The following AASS variants were observed in gnomAD, a reference collection of about 807,000 sequenced individuals.
AASS encodes the protein aminoadipate-semialdehyde synthase.
A neutral mutation model predicts 105.4 loss-of-function variants in AASS; 86 were observed. The observed-to-expected ratio is 0.82, with a 90% CI of 0.69 to 0.98. The LOEUF is 0.98. AASS is among the 50% of genes least tolerant of loss of function. The probability of loss-of-function intolerance (pLI) is 0.00; values close to 1 mark genes in which losing one functional copy is unlikely to be tolerated. For synonymous variants in AASS, 381 were observed against 394.8 expected, an observed-to-expected ratio of 0.96 and a Z score of 0.41; for missense variants, 1,048 against 1,143.2, an observed-to-expected ratio of 0.92 and a Z score of 1.20.
At chr7:122,099,351 G>C (rs1364329283) in intron 13 of AASS, among the ~76,000 whole-genome samples, 1 of 151,858 alleles carries the variant, frequency 6.6e-6, no homozygotes, top group Non-Finnish European at 1.5e-5. Flanking sequence ...AAATTGTTTT[G>C]TCATATATCT....
chr7:122,129,392 T>A lies in AASS; in HGVS notation c.356A>T (p.Asn119Ile). 6.2e-7 allele frequency: 1 copy of A among 1,611,794 alleles called. No individual in the cohort carries two copies. Among genetic ancestry groups the A allele is most frequent in the Non-Finnish European group, 8.5e-7 (1 of 1,178,552 alleles). The change falls in exon 3 of 24, where the codon AAT (asparagine) becomes ATT (isoleucine). Residue 119 changes from asparagine to isoleucine, a missense_variant. Transcript: ENST00000417368. ...FSHTIKAQEA[N>I]MGLLDEILKQ... is the part of the protein sequence containing the mutation. ...TAGAATCTCATCCAACAAGCCCATA[T>A]TGGCCTCCTGAGCTTTTATTGTGTG...
Position 122,076,546 on chromosome 7 carries a change from C to T in AASS, c.2724G>A (p.Leu908=). The T allele has an allele frequency of 1.2e-6, 2 of 1,613,838 alleles. No homozygotes were observed. The highest frequency in any genetic ancestry group is 1.7e-6 in the Non-Finnish European group (2 of 1,179,808). Residue 908 remains leucine, a synonymous_variant, in exon 24 of 24, where the codon TTG becomes TTA. Transcript: ENST00000417368. ...TAATGCCTTCTGCTTTAATTCGCTC[C>T]AATATTGGTCCATAGATCTCCTTTG... ...PFSKEIYGPI[L]ERIKAEGIIY... is the part of the protein sequence containing the mutation.
intron 21 of AASS, chr7:122,079,250 T>C (rs1285597302): frequency 2.9e-6 from 4 of 1,358,036 alleles, no homozygotes; most frequent in Non-Finnish European, 2.8e-6. Flanking sequence ...TCTCCAACAT[T>C]AGGTATACCA....
At position 122,141,600 on chromosome 7, in the gene AASS, A is replaced by C. The variant is rs148547766; in HGVS notation, c.-16+2561T>G. Among the ~76,000 whole-genome samples the C allele has an allele frequency of 2.0e-5, 3 of 152,024 alleles. No homozygotes were observed. In the East Asian group the frequency reaches 5.8e-4, roughly 29 times the overall value. ...GACCTATGCAGCAAGAAAACAAACA[A>C]ACAAACAAACAGATAAAATAGACAC... On this transcript the variant is annotated intron_variant, in intron 1 of 23. Transcript: ENST00000417368.
intron 3 of AASS, among the ~76,000 whole-genome samples, chr7:122,126,708 T>C (rs1204629920): frequency 1.3e-5 from 2 of 152,130 alleles, no homozygotes; most frequent in South Asian, 2.1e-4. Flanking sequence ...TGGTAAGCAA[T>C]GAAATAATAA....
intron 19 of AASS, chr7:122,082,936 A>T (rs1793439871): frequency 8.7e-7 from 1 of 1,143,042 alleles, no homozygotes; most frequent in Non-Finnish European, 1.2e-6. Flanking sequence ...TGAATAATAG[A>T]TGAAGTGAAG....
At chr7:122,101,746 T>A in intron 11 of AASS, 66 bp from the exon 12 acceptor site, 1 of 1,198,580 alleles carries the variant, frequency 8.3e-7, no homozygotes, top group Non-Finnish European at 1.2e-6. Flanking sequence ...GGTGTTTGTA[T>A]CCATATTAAA....
Position 122,116,699 on chromosome 7 carries a change from ATC to A in AASS, c.826_827del (p.Asp276CysfsTer4). On this transcript the variant is annotated frameshift_variant, in exon 8 of 24. Transcript: ENST00000417368. LOFTEE classifies it high-confidence loss of function. ...SRHHHLVRKT[D>X]AVYDPAEYDK... ...CATACTCTGCAGGATCATACACAGC[ATC>A]TGTTTTCCTGACAAGATGATGATGA... The A allele has an allele frequency of 6.2e-7, 1 of 1,614,156 alleles. No individual in the cohort carries two copies. The highest frequency in any genetic ancestry group is 8.5e-7 in the Non-Finnish European group (1 of 1,180,006).
chr7:122,092,969 AG>A lies in AASS; in HGVS notation c.1767-19del. On this transcript the variant is annotated intron_variant, in intron 16 of 23. Transcript: ENST00000417368. ...CTTCCACACTGCAGCAGGTGGAAAG[AG>A]GAAAAAGGAAAACTTGGATATAAAA... 6.2e-7 allele frequency: 1 copy of A among 1,613,014 alleles called. No individual in the cohort carries two copies. Among genetic ancestry groups the A allele is most frequent in the Non-Finnish European group, 8.5e-7 (1 of 1,179,070 alleles).
chr7:122,138,305 T>C (rs1352154831), intron 1 of AASS, among the ~76,000 whole-genome samples: 1 of 152,204 alleles, frequency 6.6e-6, no homozygotes, highest in African/African-American at 2.4e-5. Flanking sequence ...CAGTGGATGC[T>C]TGAAATCTCT....
intron 18 of AASS, among the ~76,000 whole-genome samples, chr7:122,090,090 C>T (rs1233703136): frequency 1.3e-5 from 2 of 152,134 alleles, no homozygotes; most frequent in Non-Finnish European, 1.5e-5. Flanking sequence ...CATCAGTGCT[C>T]ACATTACACA....
chr7:122,077,764 T>C, intron 23 of AASS, 74 bp downstream of exon 23: 1 of 1,554,570 alleles, frequency 6.4e-7, no homozygotes, highest in Non-Finnish European at 8.9e-7. Flanking sequence ...CAAGAGCAAT[T>C]ACTTGATGTC....
chr7:122,086,970 T>C (rs1477984946), intron 18 of AASS, among the ~76,000 whole-genome samples: 1 of 152,224 alleles, frequency 6.6e-6, no homozygotes, highest in Non-Finnish European at 1.5e-5. Context: ...AATTTTCTTC[T>C]AGTTTATTGG....
chr7:122,092,793 A>C lies in AASS; in HGVS notation c.1875+50T>G, dbSNP rs752183782. ...TATAACTCATACTTTGATTCTGTAC[A>C]CAAGAATTTAGACATTTTAATGTTG... On this transcript the variant is annotated intron_variant, in intron 17 of 23. Transcript: ENST00000417368. The C allele has an allele frequency of 4.9e-5, 69 of 1,410,214 alleles. No homozygotes were observed. In the Middle Eastern group the frequency reaches 7.0e-4, roughly 14 times the overall value. 87.4% of individuals were successfully genotyped at this position (1,410,214 alleles called of 1,614,324 possible). A position where few individuals can be genotyped will look rare whatever the true frequency, so the allele number is the denominator to read the frequency against.
rs1793217048 is a variant in AASS at position 122,079,661 on chromosome 7, C to T, written c.2332G>A (p.Val778Met). Reference protein sequence around the residue: ...VGISPSSEHDVLKEAVLKKLG... With the variant: ...VGISPSSEHDMLKEAVLKKLG... Reference sequence around the variant, plus strand: ...TTCTTAAGAACAGCTTCCTTCAACACATCATGCTCAGAGGAGGGTGAAATC... The same window carrying T: ...TTCTTAAGAACAGCTTCCTTCAACATATCATGCTCAGAGGAGGGTGAAATC... The change falls in exon 21 of 24, where the codon GTG (valine) becomes ATG (methionine). Residue 778 changes from valine (V) to methionine (M), a missense_variant. Val to Met is a conservative substitution (Grantham distance 21, BLOSUM62 1). Coordinates refer to ENST00000417368, the MANE Select transcript of AASS (RefSeq NM_005763.4). 6.2e-7 allele frequency: 1 copy of T among 1,613,930 alleles called. No individual in the cohort carries two copies. The highest frequency in any genetic ancestry group is 8.5e-7 in the Non-Finnish European group (1 of 1,179,952).
chr7:122,101,431 A>G lies in AASS; in HGVS notation c.1346T>C (p.Ile449Thr), dbSNP rs748951951. ...NFSPVVRDAV[I>T]TSNGTLPDKY... ...ATCAGGTAATGTACCGTTGGATGTA[A>G]TCACTGCCTAAATGTATATGACACA... The change falls in exon 13 of 24, where the codon ATT becomes ACT. Residue 449 changes from isoleucine (I) to threonine (T), a missense_variant. Ile to Thr is a moderately conservative substitution (Grantham distance 89). Coordinates refer to ENST00000417368, the MANE Select transcript of AASS (RefSeq NM_005763.4). 6.2e-7 allele frequency: 1 copy of G among 1,609,498 alleles called. No individual in the cohort carries two copies. Among genetic ancestry groups the G allele is most frequent in the East Asian group, 2.2e-5 (1 of 44,776 alleles).
intron 18 of AASS, 105 bp downstream of exon 18, chr7:122,091,598 C>T (rs563746111): frequency 3.7e-4 from 562 of 1,511,852 alleles, no homozygotes; most frequent in Non-Finnish European, 4.8e-4. Flanking sequence ...ATAATGGAGA[C>T]AGGCAGCATC....
chr7:122,083,852 T>G (rs895715369), intron 19 of AASS, among the ~76,000 whole-genome samples: 20 of 152,204 alleles, frequency 1.3e-4, no homozygotes, highest in African/African-American at 4.8e-4. Flanking sequence ...TGGTATCTCA[T>G]CTCCAATACT....
intron 1 of AASS, among the ~76,000 whole-genome samples, chr7:122,140,226 CT>C (rs1485995536): frequency 1.3e-5 from 2 of 151,950 alleles, no homozygotes; most frequent in African/African-American, 4.8e-5. Context: ...TGGCTCACAC[CT>C]GTAATCCCAG....
Sources: gnomAD v4.1 joint callset for allele counts (sites outside exome capture counted in the v4.1 genomes callset) on GRCh38, gnomAD v4.1.1 for gene constraint, MANE v1.5 for transcripts, NCBI Gene and HGNC (gene_info 2026-07-23, HGNC 2026-07-21) for gene names.